Variants in PRICKLE2 observed in about 807,000 individuals in gnomAD.
PRICKLE2 encodes prickle planar cell polarity protein 2, also known as prickle-like protein 2.
PRICKLE2 carries 21 observed loss-of-function variants against 81.4 expected under a neutral mutation model. That is an observed-to-expected ratio of 0.26 (90% CI 0.18 to 0.37). The LOEUF is 0.37. Among genes scored for constraint, PRICKLE2 ranks in the 10% least tolerant of loss-of-function variants. PRICKLE2 has a pLI of 1.00. For missense variants in PRICKLE2, 940 were observed against 1,109.0 expected (o/e 0.85, Z 2.16); for synonymous variants, 456 against 421.5 (o/e 1.08, Z -1.00).
At position 64,096,861 on chromosome 3, in the gene PRICKLE2, A is replaced by G. The variant is rs2076578830; in HGVS notation, c.*2190T>C. The G allele has an allele frequency of 6.6e-6, 1 of 152,578 alleles. No homozygotes were observed. 9.5% of individuals were successfully genotyped at this position (152,578 alleles called of 1,614,324 possible). A position where few individuals can be genotyped will look rare whatever the true frequency, so the allele number is the denominator to read the frequency against. ...GCCACAGAGGACAGACATATTTTCAACCGTTTGCTAAGATAAGTGATCTAC... is the reference window on the plus strand; with the variant it reads ...GCCACAGAGGACAGACATATTTTCAGCCGTTTGCTAAGATAAGTGATCTAC... On this transcript the variant is annotated 3_prime_UTR_variant, in exon 8 of 8. Transcript: ENST00000638394.
At chr3:64,205,739 C>G (rs1049092836) in intron 1 of PRICKLE2, among the ~76,000 whole-genome samples, 2 of 152,144 alleles carry the variant, frequency 1.3e-5, no homozygotes, top group African/African-American at 4.8e-5. Flanking sequence ...TTATTCCCCC[C>G]CGCTTCTTAA....
intron 2 of PRICKLE2, among the ~76,000 whole-genome samples, chr3:64,252,561 A>G (rs991607190): frequency 1.3e-5 from 2 of 152,176 alleles, no homozygotes; most frequent in African/African-American, 2.4e-5. Flanking sequence ...TTTATGGTCA[A>G]TAGCACTTTT....
At chr3:64,244,585 G>C (rs2079316943) in intron 2 of PRICKLE2, among the ~76,000 whole-genome samples, 1 of 147,626 alleles carries the variant, frequency 6.8e-6, no homozygotes, top group Non-Finnish European at 1.5e-5. Flanking sequence ...AAACCTAGAG[G>C]AGAAAAAGTG....
intron 2 of PRICKLE2, among the ~76,000 whole-genome samples, chr3:64,233,476 C>T (rs527470533): frequency 7.9e-5 from 12 of 152,314 alleles, no homozygotes; most frequent in African/African-American, 2.9e-4. Flanking sequence ...CTCAAACATG[C>T]CAGGCACATG....
intron 2 of PRICKLE2, among the ~76,000 whole-genome samples, chr3:64,262,333 G>C (rs773953992): frequency 4.6e-5 from 7 of 152,140 alleles, no homozygotes; most frequent in Admixed American, 1.3e-4. Flanking sequence ...TCAAGCAACT[G>C]GGTAGCTGGA....
At chr3:64,131,454 C>A (rs1437629400) in intron 7 of PRICKLE2, among the ~76,000 whole-genome samples, 2 of 152,174 alleles carry the variant, frequency 1.3e-5, no homozygotes, top group African/African-American at 4.8e-5. Context: ...CTAATACTGG[C>A]TAACTGGTGC....
At position 64,145,283 on chromosome 3, in the gene PRICKLE2, T is replaced by TAA. The variant is rs2077429006; in HGVS notation, c.1660+1545_1660+1546dup. ...TCCAGCTAATTTATATATATATATA[T>TAA]AATATATTTGTATATATTATATCAT... On this transcript the variant is annotated intron_variant, in intron 7 of 7. Coordinates refer to ENST00000638394, the MANE Select transcript of PRICKLE2 (RefSeq NM_198859.4). 2.0e-5 allele frequency: 3 copies of TAA among 146,660 alleles called. No homozygotes were observed. The South Asian group carries it at 6.3e-4, about 31-fold the overall frequency. The allele number at this position is 146,660 out of a possible 1,614,324, so 9.1% of individuals were successfully genotyped here. A position where few individuals can be genotyped will look rare whatever the true frequency, so the allele number is the denominator to read the frequency against.
chr3:64,208,338 C>T (rs1043590444), intron 1 of PRICKLE2, among the ~76,000 whole-genome samples: 3 of 152,204 alleles, frequency 2.0e-5, no homozygotes, highest in African/African-American at 7.2e-5. Flanking sequence ...AAAGCACAAG[C>T]AACGCTCCTC....
At chr3:64,102,005 C>G (rs915677933) in intron 7 of PRICKLE2, 1 of 152,204 alleles carries the variant, frequency 6.6e-6, no homozygotes, top group Non-Finnish European at 1.5e-5. Context: ...GAAGGGCACA[C>G]TATCCCTTAT....
upstream of PRICKLE2, among the ~76,000 whole-genome samples, chr3:64,228,507 T>C (rs1278840218): frequency 2.0e-5 from 3 of 151,460 alleles, no homozygotes; most frequent in Non-Finnish European, 4.4e-5. Flanking sequence ...TGGTCATTAT[T>C]TTCATCCTGG....
intron 7 of PRICKLE2, chr3:64,105,691 C>T (rs1051847459): frequency 4.6e-5 from 7 of 152,224 alleles, no homozygotes; most frequent in African/African-American, 1.7e-4. Context: ...CCTTACTAAT[C>T]ACAGCTCTGT....
At chr3:64,208,087 C>T (rs1209357499) in intron 1 of PRICKLE2, among the ~76,000 whole-genome samples, 7 of 152,172 alleles carry the variant, frequency 4.6e-5, no homozygotes, top group African/African-American at 1.4e-4. Flanking sequence ...TTTAGTAACA[C>T]CTCCGTCAGG....
intron 3 of PRICKLE2, among the ~76,000 whole-genome samples, chr3:64,160,786 T>C (rs1483151139): frequency 1.3e-5 from 2 of 152,172 alleles, no homozygotes; most frequent in African/African-American, 2.4e-5. Flanking sequence ...GAATCCAGTA[T>C]CTCCCCTTAC....
intron 7 of PRICKLE2, among the ~76,000 whole-genome samples, chr3:64,112,086 C>T (rs1162667886): frequency 2.0e-5 from 3 of 152,168 alleles, no homozygotes; most frequent in Non-Finnish European, 4.4e-5. Flanking sequence ...GTGGCCAACA[C>T]ACTAAGCTTT....
intron 2 of PRICKLE2, among the ~76,000 whole-genome samples, chr3:64,166,406 C>G (rs2077833529): frequency 6.6e-6 from 1 of 152,120 alleles, no homozygotes; most frequent in South Asian, 2.1e-4. Flanking sequence ...GAAGGTGCAG[C>G]CAGCAGTGAT....
intron 7 of PRICKLE2, among the ~76,000 whole-genome samples, chr3:64,110,496 A>G (rs144877916): frequency 3.3e-4 from 50 of 152,320 alleles, no homozygotes; most frequent in African/African-American, 1.1e-3. Flanking sequence ...AAGTCAGCAT[A>G]GCAAGGTGAC....
rs1435150713 is a variant in PRICKLE2, at chr3:64,098,337, T to G, written c.*714A>C. ...ATTCTACTGAGGGTGGGAGCAGACT[T>G]AAGGATGGCTCCTTAAGATGGAACG... On this transcript the variant is annotated 3_prime_UTR_variant, in exon 8 of 8. Transcript: ENST00000638394. 1 of 152,714 alleles carries G rather than the reference T, an allele frequency of 6.5e-6. No individual in the cohort carries two copies. The highest frequency in any genetic ancestry group is 6.5e-5 in the Admixed American group (1 of 15,296). The allele number at this position is 152,714 out of a possible 1,614,324, so 9.5% of individuals were successfully genotyped here.
chr3:64,239,675 T>C (rs966887913), intron 2 of PRICKLE2, among the ~76,000 whole-genome samples: 4 of 152,288 alleles, frequency 2.6e-5, no homozygotes, highest in South Asian at 4.1e-4. Flanking sequence ...TCAACCCTCA[T>C]AGCAACCCTT....
At chr3:64,256,025 T>C (rs1344485517) in intron 2 of PRICKLE2, among the ~76,000 whole-genome samples, 1 of 152,164 alleles carries the variant, frequency 6.6e-6, no homozygotes, top group African/African-American at 2.4e-5. Context: ...GTGAAGCTGC[T>C]AGACTAGCCC....
Sources: gnomAD v4.1 joint callset for allele counts (sites outside exome capture counted in the v4.1 genomes callset) on GRCh38, gnomAD v4.1.1 for gene constraint, MANE v1.5 for transcripts, NCBI Gene and HGNC (gene_info 2026-07-23, HGNC 2026-07-21) for gene names.